GUCY1A2: variants seen among roughly 807,000 people sequenced by gnomAD.
The protein encoded by GUCY1A2 is guanylate cyclase 1 soluble subunit alpha 2.
GUCY1A2 carries 27 observed loss-of-function variants against 63.5 expected under a neutral mutation model. The ratio of observed to expected loss-of-function variants is 0.43; its 90% confidence interval spans 0.31 to 0.59. GUCY1A2 has a LOEUF of 0.59. GUCY1A2 is among the 20% of genes least tolerant of loss of function. GUCY1A2 has a pLI of 0.11. For synonymous variants in GUCY1A2, 364 were observed against 343.5 expected (o/e 1.06, Z -0.66); for missense variants, 768 against 913.3 (o/e 0.84, Z 2.05).
chr11:106,752,880 T>C (rs886871278), intron 6 of GUCY1A2, among the ~76,000 whole-genome samples: 12 of 152,142 alleles, frequency 7.9e-5, no homozygotes, highest in African/African-American at 1.2e-4. Context: ...CAGACAGTAA[T>C]GAGATTGCTG....
intron 6 of GUCY1A2, among the ~76,000 whole-genome samples, chr11:106,751,170 T>A (rs1976144): frequency 0.95 from 144,002 of 152,124 alleles, 68,228 homozygotes; most frequent in East Asian, 0.99. Flanking sequence ...GTTGATAATG[T>A]TAAATCTAAC....
chr11:106,814,979 T>C (rs573444935), intron 4 of GUCY1A2, among the ~76,000 whole-genome samples: 24 of 151,964 alleles, frequency 1.6e-4, no homozygotes, highest in Non-Finnish European at 2.9e-4. Context: ...GAATCAGATG[T>C]TGGAATTATC....
intron 4 of GUCY1A2, among the ~76,000 whole-genome samples, chr11:106,928,516 A>C (rs968963950): frequency 3.3e-5 from 5 of 152,064 alleles, no homozygotes; most frequent in African/African-American, 4.8e-5. Context: ...TGTCTTCATT[A>C]GGAAAAACGG....
intron 4 of GUCY1A2, among the ~76,000 whole-genome samples, chr11:106,810,977 T>A (rs531551354): frequency 9.9e-5 from 15 of 152,248 alleles, no homozygotes; most frequent in Middle Eastern, 3.4e-3. Context: ...TATAGTACTT[T>A]TAAAATGTAC....
intron 4 of GUCY1A2, among the ~76,000 whole-genome samples, chr11:106,876,439 A>G (rs528088509): frequency 6.6e-6 from 1 of 152,258 alleles, no homozygotes; most frequent in East Asian, 1.9e-4. Flanking sequence ...TGAGTCAAAC[A>G]ATTTATAGAA....
chr11:106,849,839 G>C (rs1859327980), intron 4 of GUCY1A2, among the ~76,000 whole-genome samples: 1 of 151,676 alleles, frequency 6.6e-6, no homozygotes, highest in Admixed American at 6.6e-5. Flanking sequence ...GAACATAATA[G>C]AGGTGAAGAG....
At chr11:106,731,886 A>G (rs1264440466) in intron 6 of GUCY1A2, among the ~76,000 whole-genome samples, 1 of 152,124 alleles carries the variant, frequency 6.6e-6, no homozygotes, top group African/African-American at 2.4e-5. Flanking sequence ...ACACTGCTCA[A>G]AGAAATCAGA....
intron 4 of GUCY1A2, among the ~76,000 whole-genome samples, chr11:106,860,314 T>C (rs1859493324): frequency 1.3e-5 from 2 of 151,738 alleles, no homozygotes; most frequent in Non-Finnish European, 2.9e-5. Context: ...CAGCAATGCT[T>C]GCAGGGGAAA....
At chr11:106,919,153 T>C (rs1472528297) in intron 4 of GUCY1A2, among the ~76,000 whole-genome samples, 2 of 152,198 alleles carry the variant, frequency 1.3e-5, no homozygotes, top group African/African-American at 4.8e-5. Context: ...AGCGTGATTA[T>C]ATATTGTTAT....
At chr11:106,869,471 A>G (rs1451627923) in intron 4 of GUCY1A2, among the ~76,000 whole-genome samples, 2 of 152,238 alleles carry the variant, frequency 1.3e-5, no homozygotes, top group African/African-American at 2.4e-5. Context: ...GCTTCTCAAA[A>G]GAAGACATTT....
chr11:106,949,733 T>G (rs1336685956), intron 3 of GUCY1A2, among the ~76,000 whole-genome samples: 1 of 152,016 alleles, frequency 6.6e-6, no homozygotes, highest in Non-Finnish European at 1.5e-5. Flanking sequence ...AAAGAGTAGA[T>G]AGATAGGGGA....
chr11:106,701,584 CAT>C (rs1227867696), intron 7 of GUCY1A2, among the ~76,000 whole-genome samples: 3 of 151,614 alleles, frequency 2.0e-5, no homozygotes, highest in Non-Finnish European at 2.9e-5. Flanking sequence ...AATTTGTGCT[CAT>C]AAAAGTAGAG....
intron 4 of GUCY1A2, among the ~76,000 whole-genome samples, chr11:106,842,742 G>T (rs1378924643): frequency 6.6e-6 from 1 of 151,916 alleles, no homozygotes; most frequent in East Asian, 1.9e-4. Flanking sequence ...AATGAAGGTG[G>T]GTGGTGGGTG....
At chr11:106,998,581 T>A (rs1437692001) in intron 1 of GUCY1A2, among the ~76,000 whole-genome samples, 2 of 152,216 alleles carry the variant, frequency 1.3e-5, no homozygotes, top group African/African-American at 4.8e-5. Flanking sequence ...ACATTTTAAC[T>A]TCCTTGCATG....
At chr11:106,922,275 G>A (rs1458755599) in intron 4 of GUCY1A2, among the ~76,000 whole-genome samples, 1 of 151,968 alleles carries the variant, frequency 6.6e-6, no homozygotes, top group Non-Finnish European at 1.5e-5. Flanking sequence ...GATTATAAAT[G>A]AAATATTTTT....
chr11:106,764,975 G>GGT (rs1473050535), intron 6 of GUCY1A2, among the ~76,000 whole-genome samples: 20 of 97,032 alleles, frequency 2.1e-4, no homozygotes, highest in Admixed American at 1.6e-3. Context: ...TTTTTTGGGG[G>GGT]GGGGTTGGGG....
At chr11:106,959,969 G>A (rs566468350) in intron 3 of GUCY1A2, among the ~76,000 whole-genome samples, 1 of 152,348 alleles carries the variant, frequency 6.6e-6, no homozygotes, top group South Asian at 2.1e-4. Flanking sequence ...GCCTGTCTGA[G>A]TGCAAATCTC....
At chr11:107,010,614 A>C (rs1300711393) in intron 1 of GUCY1A2, among the ~76,000 whole-genome samples, 1 of 152,224 alleles carries the variant, frequency 6.6e-6, no homozygotes, top group Non-Finnish European at 1.5e-5. Context: ...TGGATGAAAA[A>C]TCTAAATATT....
chr11:106,945,519 A>C (rs1439519929), intron 3 of GUCY1A2, among the ~76,000 whole-genome samples: 1 of 152,222 alleles, frequency 6.6e-6, no homozygotes, highest in Non-Finnish European at 1.5e-5. Context: ...TACAACACAC[A>C]CATAGACACA....
Sources: gnomAD v4.1 joint callset for allele counts (sites outside exome capture counted in the v4.1 genomes callset) on GRCh38, gnomAD v4.1.1 for gene constraint, MANE v1.5 for transcripts, NCBI Gene and HGNC (gene_info 2026-07-23, HGNC 2026-07-21) for gene names.